The following WNT9B variants were observed in gnomAD, a reference collection of about 807,000 sequenced individuals.
The protein encoded by WNT9B is protein Wnt-9b.
In WNT9B, 12 loss-of-function variants were observed where a neutral mutation model predicts 30.2. That is an observed-to-expected ratio of 0.40 (90% CI 0.26 to 0.64). The LOEUF (loss-of-function observed/expected upper bound fraction) is 0.64, where lower values mean the gene tolerates loss of function less well. Ranked by LOEUF, WNT9B falls within the 30% of genes least tolerant of loss-of-function variation. The pLI, the probability that WNT9B is intolerant of heterozygous loss-of-function variation, is 0.42. For missense variants in WNT9B, 442 were observed against 485.2 expected, an observed-to-expected ratio of 0.91 and a Z score of 0.84; for synonymous variants, 218 against 216.9, an observed-to-expected ratio of 1.01 and a Z score of -0.05.
chr17:46,848,051 C>T (rs189433668), upstream of WNT9B, among the ~76,000 whole-genome samples: 1 of 151,910 alleles, frequency 6.6e-6, no homozygotes, highest in East Asian at 1.9e-4. Context: ...GCGCTGGCTG[C>T]CTTGGGCTGG....
chr17:46,871,151 C>T (rs190524811), intron 1 of WNT9B, among the ~76,000 whole-genome samples: 147 of 152,084 alleles, frequency 9.7e-4, no homozygotes, highest in African/African-American at 3.3e-3. Context: ...TCAAGCGATC[C>T]ACCTGCTCAG....
Position 46,876,568 on chromosome 17 carries a change from G to A in WNT9B, c.924G>A (p.Glu308=). The change falls in exon 4 of 4, where the codon GAG becomes GAA. Residue 308 remains glutamate, a synonymous_variant. Coordinates refer to ENST00000290015, the MANE Select transcript of WNT9B (RefSeq NM_003396.3). ...PGTAGRVCSR[E]ASCSSLCCGR... is the part of the protein sequence containing the mutation. ...CAGCAGGTAGGGTGTGCTCCCGGGA[G>A]GCCAGCTGCAGCAGCCTGTGCTGCG... The A allele has an allele frequency of 1.9e-6, 3 of 1,613,662 alleles. No individual in the cohort carries two copies. The highest frequency in any genetic ancestry group is 2.5e-6 in the Non-Finnish European group (3 of 1,180,016).
Position 46,876,314 on chromosome 17 carries a change from T to A in WNT9B, c.670T>A (p.Cys224Ser), listed in dbSNP as rs1422908876. 5 of 1,614,174 alleles carry A rather than the reference T, an allele frequency of 3.1e-6. No homozygotes were observed. Among genetic ancestry groups the A allele is most frequent in the Non-Finnish European group, 2.5e-6 (3 of 1,180,026 alleles). Residue 224 changes from cysteine (C) to serine (S), a missense_variant, in exon 4 of 4, where the codon TGC becomes AGC. Physicochemically the swap from Cys to Ser is moderately radical, Grantham distance 112. Coordinates refer to ENST00000290015, the MANE Select transcript of WNT9B (RefSeq NM_003396.3). ...ATCAGGCTCCTGTGCCGTGCGCACCTGCTGGAAGCAGCTCTCCCCGTTCCG... is the reference window on the plus strand; with the variant it reads ...ATCAGGCTCCTGTGCCGTGCGCACCAGCTGGAAGCAGCTCTCCCCGTTCCG... ...GVSGSCAVRT[C>S]WKQLSPFRET...
rs549050183 is a variant in WNT9B at position 46,877,271 on chromosome 17, G to A, written c.*553G>A. Reference sequence around the variant, plus strand: ...CCCTGGTTTTGCTGTGCCAGAGATGGGGAGAAAGCACAGGTGGTAGAAGCC... The same window carrying A: ...CCCTGGTTTTGCTGTGCCAGAGATGAGGAGAAAGCACAGGTGGTAGAAGCC... On this transcript the variant is annotated 3_prime_UTR_variant, in exon 4 of 4. Transcript: ENST00000290015. Among the ~76,000 whole-genome samples, 95 of 152,356 alleles carry A rather than the reference G, an allele frequency of 6.2e-4. No homozygotes were observed. Among genetic ancestry groups the A allele is most frequent in the Non-Finnish European group, 9.7e-4 (66 of 68,040 alleles).
Position 46,872,718 on chromosome 17 carries a change from C to T in WNT9B, c.279C>T (p.Phe93=), listed in dbSNP as rs1352586828. 1 of 1,613,060 alleles carries T rather than the reference C, an allele frequency of 6.2e-7. No individual in the cohort carries two copies. Among genetic ancestry groups the T allele is most frequent in the African/African-American group, 1.3e-5 (1 of 74,836 alleles). Residue 93 remains phenylalanine (F), a synonymous_variant, in exon 2 of 4, where the codon TTC becomes TTT. Coordinates refer to ENST00000290015, the MANE Select transcript of WNT9B (RefSeq NM_003396.3). ...GCCTGCTTGAGTGCCAGTTTCAGTT[C>T]CGGCATGAGCGCTGGAACTGTAGCC... is the stretch of plus-strand genomic sequence containing the variant. ...HLGLLECQFQ[F]RHERWNCSLE... is the part of the protein sequence containing the mutation.
chr17:46,873,086 TCACACAC>T (rs2085280029), intron 2 of WNT9B, among the ~76,000 whole-genome samples: 1 of 139,820 alleles, frequency 7.2e-6, no homozygotes, highest in African/African-American at 2.7e-5. Context: ...CTCTGCCTCT[TCACACAC>T]ACACACACAC....
At chr17:46,839,868 A>G (rs1057456998) in intron 1 of WNT9B, among the ~76,000 whole-genome samples, 1 of 151,730 alleles carries the variant, frequency 6.6e-6, no homozygotes, top group Non-Finnish European at 1.5e-5. Context: ...ATCCTTTTTC[A>G]TGGCTGCATA....
chr17:46,854,211 C>T (rs926836177), intron 1 of WNT9B, among the ~76,000 whole-genome samples: 10 of 152,194 alleles, frequency 6.6e-5, no homozygotes, highest in Non-Finnish European at 8.8e-5. Context: ...TTAAGAAACC[C>T]TCTGGTGACT....
intron 1 of WNT9B, among the ~76,000 whole-genome samples, chr17:46,837,221 G>A (rs1000017699): frequency 1.3e-5 from 2 of 152,270 alleles, no homozygotes; most frequent in African/African-American, 2.4e-5. Flanking sequence ...GATTACAGGC[G>A]TGAGCCACCG....
chr17:46,839,346 C>T (rs1430604457), intron 1 of WNT9B, among the ~76,000 whole-genome samples: 1 of 152,202 alleles, frequency 6.6e-6, no homozygotes. Context: ...GGGTACCTGA[C>T]CCTTGGCACT....
intron 3 of WNT9B, among the ~76,000 whole-genome samples, chr17:46,875,567 G>A (rs553728587): frequency 9.8e-5 from 15 of 152,334 alleles, no homozygotes; most frequent in East Asian, 1.9e-4. Flanking sequence ...GGAACACAGC[G>A]GAAGCATGGA....
At chr17:46,833,883 C>T (rs2084588916) in intron 1 of WNT9B, among the ~76,000 whole-genome samples, 1 of 152,118 alleles carries the variant, frequency 6.6e-6, no homozygotes, top group East Asian at 1.9e-4. Context: ...TGGAGTCTTT[C>T]CTGTCCCCAT....
chr17:46,836,473 T>G lies in WNT9B; in HGVS notation c.95+3033T>G, dbSNP rs559977389. The stretch of plus-strand genomic sequence containing the variant: ...AACAAGTAAGCACTTTGAATATCTT[T>G]GTGTTTTTTTACACTGATAAGAGGA... On this transcript the variant is annotated intron_variant, in intron 1 of 2. Coordinates refer to the WNT9B transcript ENST00000575372. Among the ~76,000 whole-genome samples the G allele has an allele frequency of 3.7e-4, 57 of 152,242 alleles. 1 individual carries two copies. Among genetic ancestry groups the G allele is most frequent in the African/African-American group, 1.4e-3 (57 of 41,572 alleles).
chr17:46,875,227 G>C lies in WNT9B; in HGVS notation c.461G>C (p.Arg154Pro), dbSNP rs756222047. ...TCDDSPGLES[R>P]QAWQWGVCGD... is the part of the protein sequence containing the mutation. ...GATGACTCTCCGGGGCTGGAGAGCC[G>C]GCAGGCCTGGCAGTGGGGCGTGTGC... Residue 154 changes from arginine to proline, a missense_variant, in exon 3 of 4, where the codon CGG (arginine) becomes CCG (proline). Transcript: ENST00000290015. 47 of 1,614,188 alleles carry C rather than the reference G, an allele frequency of 2.9e-5. No individual in the cohort carries two copies. In the South Asian group the frequency reaches 3.8e-4, roughly 13 times the overall value.
intron 1 of WNT9B, among the ~76,000 whole-genome samples, chr17:46,857,573 G>A (rs893005452): frequency 6.6e-6 from 1 of 152,060 alleles, no homozygotes; most frequent in African/African-American, 2.4e-5. Context: ...TCTTTTTGTG[G>A]GTGTATGTTT....
chr17:46,862,551 G>A (rs781347020), intron 1 of WNT9B, among the ~76,000 whole-genome samples: 17 of 152,262 alleles, frequency 1.1e-4, no homozygotes, highest in Admixed American at 9.8e-4. Context: ...AAGTCACTGC[G>A]AGAGGTTGTG....
At chr17:46,846,224 T>A (rs981378808) in intron 1 of WNT9B, among the ~76,000 whole-genome samples, 1 of 152,230 alleles carries the variant, frequency 6.6e-6, no homozygotes, top group African/African-American at 2.4e-5. Context: ...CTGTCTCTCA[T>A]GAACATTATA....
At chr17:46,851,528 G>C, upstream of WNT9B, 1 of 502,848 alleles carries the variant, frequency 2.0e-6, no homozygotes, top group East Asian at 4.0e-5. This position sits in a 1 kb window ranked among gnomAD's most constrained non-coding sequence, Gnocchi z 4.3. Flanking sequence ...TCCTTTCCCA[G>C]CGCCGCCTGC....
In WNT9B at chr17:46,868,544, C is replaced by T. The variant is rs142951969; in HGVS notation, c.78-3973C>T. On this transcript the variant is annotated intron_variant, in intron 1 of 3. Coordinates refer to ENST00000290015, the MANE Select transcript of WNT9B (RefSeq NM_003396.3). The stretch of plus-strand genomic sequence containing the variant: ...CCGGGAGGCAGAGGTTGCAGTGAGC[C>T]GAAATCTCAGCACTGCACTCCAGCC... Among the ~76,000 whole-genome samples, 137 of 152,110 alleles carry T rather than the reference C, an allele frequency of 9.0e-4. 1 individual carries two copies. Among genetic ancestry groups the T allele is most frequent in the East Asian group, 8.3e-3 (43 of 5,164 alleles).
Sources: allele counts gnomAD v4.1 joint callset (sites outside exome capture counted in the v4.1 genomes callset), GRCh38; gene constraint gnomAD v4.1.1; non-coding constraint Gnocchi (gnomAD v3.1); transcripts MANE v1.5; gene names NCBI Gene and HGNC (gene_info 2026-07-23, HGNC 2026-07-21).